Variants in BEST3 observed in about 807,000 individuals in gnomAD.
BEST3 encodes the protein bestrophin 3.
A neutral mutation model predicts 47.1 loss-of-function variants in BEST3; 50 were observed. The ratio of observed to expected loss-of-function variants is 1.06; its 90% CI spans 0.85 to 1.34. BEST3 has a LOEUF of 1.34. BEST3 is among the 40% of genes most tolerant of loss of function. The pLI, the probability that BEST3 is intolerant of heterozygous loss-of-function variation, is 0.00. For synonymous variants in BEST3, 282 were observed against 298.8 expected (o/e 0.94, Z 0.58); for missense variants, 765 against 817.0 (o/e 0.94, Z 0.78).
rs1565820765 is a variant in BEST3, at chr12:69,655,401, T to C, written c.1513A>G (p.Ile505Val). ...IKMPLVPEVL[I>V]TAAEAPVPTS... ...GGCACTGGTGCTTCGGCTGCTGTGA[T>C]CAATACCTCAGGTACCAGTGGCATT... Residue 505 changes from isoleucine to valine, a missense_variant, in exon 10 of 10, where the codon ATC becomes GTC. Coordinates refer to ENST00000330891, the MANE Select transcript of BEST3 (RefSeq NM_032735.3). The C allele has an allele frequency of 1.2e-6, 2 of 1,614,166 alleles. No homozygotes were observed. Among genetic ancestry groups the C allele is most frequent in the Non-Finnish European group, 1.7e-6 (2 of 1,180,034 alleles).
intron 9 of BEST3, among the ~76,000 whole-genome samples, chr12:69,662,661 C>T (rs1883940154): frequency 6.6e-6 from 1 of 152,122 alleles, no homozygotes; most frequent in South Asian, 2.1e-4. Flanking sequence ...TAAATAAATT[C>T]CTCAACCCCT....
Position 69,654,184 on chromosome 12 carries a change from G to T in BEST3, c.*723C>A. 3 of 985,052 alleles carry T rather than the reference G, an allele frequency of 3.0e-6. No individual in the cohort carries two copies. The highest frequency in any genetic ancestry group is 3.6e-6 in the Non-Finnish European group (3 of 829,696). 61.0% of individuals were successfully genotyped at this position (985,052 alleles called of 1,614,324 possible). A position where few individuals can be genotyped will look rare whatever the true frequency, so the allele number is the denominator to read the frequency against. On this transcript the variant is annotated 3_prime_UTR_variant, in exon 10 of 10. Coordinates refer to ENST00000330891, the MANE Select transcript of BEST3 (RefSeq NM_032735.3). ...AATTCATGGCAAGACATAAGCAACA[G>T]ATTTGGCAAGAGGAAATATTATAAC...
In BEST3 at chr12:69,656,505, G is replaced by C. The variant is rs543527478; in HGVS notation, c.1101-692C>G. ...AACAATGGATCATAGGTAAATTCAC[G>C]AGCGTGCGATGCCCAGCTCACATTT... On this transcript the variant is annotated intron_variant, in intron 9 of 9. Coordinates refer to ENST00000330891, the MANE Select transcript of BEST3 (RefSeq NM_032735.3). Among the ~76,000 whole-genome samples, 4 of 151,962 alleles carry C rather than the reference G, an allele frequency of 2.6e-5. No homozygotes were observed. In the South Asian group the frequency reaches 8.3e-4, roughly 32 times the overall value.
intron 9 of BEST3, among the ~76,000 whole-genome samples, chr12:69,648,351 G>A (rs7295615): frequency 0.43 from 64,614 of 151,968 alleles, 15,530 homozygotes; most frequent in Middle Eastern, 0.59. Flanking sequence ...GGAATTTGGG[G>A]GGATCTGAAA....
In BEST3 at chr12:69,671,579, C is replaced by A. The variant is rs1184959448; in HGVS notation, c.949G>T (p.Val317Phe). The change falls in exon 9 of 10, where the codon GTC becomes TTC. Residue 317 changes from valine (V) to phenylalanine (F), a missense_variant and splice_region_variant. Transcript: ENST00000330891. ...ATTTCGTCCACAGCTAAAAGAGAGA[C>A]CTAAAATCATTGTTATATTGTTAGA... ...TNWCIDRNLQ[V>F]SLLAVDEMHM... 6.2e-7 allele frequency: 1 copy of A among 1,612,244 alleles called. No homozygotes were observed. Among genetic ancestry groups the A allele is most frequent in the South Asian group, 1.1e-5 (1 of 90,746 alleles).
chr12:69,650,117 A>T (rs1489104818), downstream of BEST3, among the ~76,000 whole-genome samples: 2 of 152,248 alleles, frequency 1.3e-5, no homozygotes, highest in Admixed American at 1.3e-4. Flanking sequence ...TCTCTATTTT[A>T]CAGGGAAATT....
chr12:69,690,450 C>T (rs185579320), intron 4 of BEST3, among the ~76,000 whole-genome samples: 161 of 152,242 alleles, frequency 1.1e-3, no homozygotes, highest in Admixed American at 6.9e-3. Flanking sequence ...ATCTACTTGC[C>T]CCTCAGACCT....
intron 4 of BEST3, among the ~76,000 whole-genome samples, chr12:69,692,105 T>C (rs935345447): frequency 6.6e-6 from 1 of 152,214 alleles, no homozygotes; most frequent in East Asian, 1.9e-4. Context: ...ATGTGAAATA[T>C]AGACATTCAT....
In BEST3 at chr12:69,653,869, C is replaced by G; in HGVS notation, c.*1038G>C. On this transcript the variant is annotated 3_prime_UTR_variant, in exon 10 of 10. Coordinates refer to ENST00000330891, the MANE Select transcript of BEST3 (RefSeq NM_032735.3). ...CAGTAACTGGTCCCGTGTTGCGACA[C>G]GATTAGGATTTTTGCATAAGAGTTC... The G allele has an allele frequency of 3.0e-6, 3 of 985,394 alleles. No homozygotes were observed. In the South Asian group the frequency reaches 1.4e-4, roughly 46 times the overall value. 61.0% of individuals were successfully genotyped at this position (985,394 alleles called of 1,614,324 possible). A position where few individuals can be genotyped will look rare whatever the true frequency, so the allele number is the denominator to read the frequency against.
chr12:69,655,460 G>T lies in BEST3; in HGVS notation c.1454C>A (p.Thr485Asn), dbSNP rs747520251. 2 of 1,614,026 alleles carry T rather than the reference G, an allele frequency of 1.2e-6. No homozygotes were observed. Among genetic ancestry groups the T allele is most frequent in the East Asian group, 2.2e-5 (1 of 44,886 alleles). The change falls in exon 10 of 10, where the codon ACC (threonine) becomes AAC (asparagine). Residue 485 changes from threonine to asparagine, a missense_variant. Transcript: ENST00000330891. ...TSQTSTLQSL[T>N]PQSSVRTSPI... ...GGAAGTTCTCACACTGGACTGTGGG[G>T]TCAGGCTCTGTAAAGTGCTTGTCTG...
chr12:69,667,593 C>A (rs1179143206), intron 9 of BEST3, among the ~76,000 whole-genome samples: 2 of 152,102 alleles, frequency 1.3e-5, no homozygotes, highest in African/African-American at 4.8e-5. Flanking sequence ...ACCATGCCCG[C>A]CTCCTAACTC....
intron 4 of BEST3, chr12:69,687,454 G>A (rs1885682066): frequency 6.6e-6 from 1 of 150,904 alleles, no homozygotes; most frequent in Non-Finnish European, 1.5e-5. Flanking sequence ...GCAACATAGT[G>A]AGACTCTGTA....
chr12:69,681,404 C>T (rs1227011278), intron 4 of BEST3, among the ~76,000 whole-genome samples: 2 of 151,710 alleles, frequency 1.3e-5, no homozygotes, highest in Non-Finnish European at 2.9e-5. Context: ...ATTACTTAGG[C>T]CAGGAGTTTG....
In BEST3 at chr12:69,655,315, C is replaced by A. The variant is rs749529891; in HGVS notation, c.1599G>T (p.Gly533=). The A allele has an allele frequency of 6.8e-6, 11 of 1,614,016 alleles. No individual in the cohort carries two copies. The highest frequency in any genetic ancestry group is 1.6e-4 in the Middle Eastern group (1 of 6,084). ...GCTGCTCAGTCTTGCTTGGCTGAAC[C>A]CCTGTAAACTCAGAGCTCAAGATGG... ...ATSILSSEFT[G]VQPSKTEQQQ... is the part of the protein sequence containing the mutation. Residue 533 remains glycine, a synonymous_variant, in exon 10 of 10, where the codon GGG becomes GGT. Coordinates refer to ENST00000330891, the MANE Select transcript of BEST3 (RefSeq NM_032735.3).
intron 9 of BEST3, among the ~76,000 whole-genome samples, chr12:69,666,148 T>C (rs1361962564): frequency 6.6e-6 from 1 of 152,136 alleles, no homozygotes; most frequent in Non-Finnish European, 1.5e-5. Flanking sequence ...GCCTCCCAAA[T>C]AGCTGGGACT....
In BEST3 at chr12:69,671,502, A is replaced by C. The variant is rs769044287; in HGVS notation, c.1026T>G (p.Ala342=). The change falls in exon 9 of 10, where the codon GCT becomes GCG. Residue 342 remains alanine (A), a synonymous_variant. Transcript: ENST00000330891. ...MKKDIYWDDS[A]ARPPYTLAAA... Reference sequence around the variant, plus strand: ...CTGCCAATGTGTATGGTGGGCGAGCAGCAGAATCGTCCCAGTAAATGTCCT... The same window carrying C: ...CTGCCAATGTGTATGGTGGGCGAGCCGCAGAATCGTCCCAGTAAATGTCCT... The C allele has an allele frequency of 1.9e-6, 3 of 1,614,078 alleles. No individual in the cohort carries two copies. The highest frequency in any genetic ancestry group is 2.2e-5 in the South Asian group (2 of 91,086).
At chr12:69,672,628 G>C (rs1884649099) in intron 8 of BEST3, among the ~76,000 whole-genome samples, 1 of 152,052 alleles carries the variant, frequency 6.6e-6, no homozygotes, top group Non-Finnish European at 1.5e-5. Flanking sequence ...GAAAGAGGCT[G>C]GAAAAAGCTA....
At chr12:69,643,917 C>G in intron 9 of BEST3, 1 of 506,030 alleles carries the variant, frequency 2.0e-6, no homozygotes. Flanking sequence ...TTTCAGTGTT[C>G]TGAAGCATGG....
At chr12:69,693,010 G>A (rs1358188323) in intron 4 of BEST3, among the ~76,000 whole-genome samples, 2 of 152,170 alleles carry the variant, frequency 1.3e-5, no homozygotes, top group East Asian at 1.9e-4. Flanking sequence ...TGATCCACCC[G>A]CCTGGGCCTT....
Sources: allele counts gnomAD v4.1 joint callset (sites outside exome capture counted in the v4.1 genomes callset), GRCh38; gene constraint gnomAD v4.1.1; transcripts MANE v1.5; gene names NCBI Gene and HGNC (gene_info 2026-07-23, HGNC 2026-07-21).